PALM2AKAP2: variants seen among roughly 807,000 people sequenced by gnomAD.
The protein encoded by PALM2AKAP2 is PALM2 and AKAP2 fusion.
A neutral mutation model predicts 71.5 loss-of-function variants in PALM2AKAP2; 37 were observed. The ratio of observed to expected loss-of-function variants is 0.52; its 90% CI spans 0.40 to 0.68. PALM2AKAP2 has a LOEUF of 0.68. Ranked by LOEUF, PALM2AKAP2 falls within the 30% of genes least tolerant of loss-of-function variation. The pLI is 0.00. For missense variants in PALM2AKAP2, 1,224 were observed against 1,191.8 expected (o/e 1.03, Z -0.40); for synonymous variants, 468 against 478.8 (o/e 0.98, Z 0.29).
chr9:110,106,041 A>G (rs7026192), intron 1 of PALM2AKAP2, among the ~76,000 whole-genome samples: 54,199 of 152,152 alleles, frequency 0.36, 9,774 homozygotes, highest in East Asian at 0.42. Flanking sequence ...CTGACTTTGC[A>G]TAATATAAAT....
intron 1 of PALM2AKAP2, among the ~76,000 whole-genome samples, chr9:109,770,886 T>G (rs563939753): frequency 6.6e-6 from 1 of 152,386 alleles, no homozygotes; most frequent in East Asian, 1.9e-4. Context: ...ATACATTATC[T>G]CATTTGTTTG....
rs541613009 is a variant in PALM2AKAP2, at chr9:109,738,154, A to C, written c.6-42334A>C. On this transcript the variant is annotated intron_variant, in intron 1 of 6. Coordinates refer to the PALM2AKAP2 transcript ENST00000374531. The stretch of plus-strand genomic sequence containing the variant: ...GCTATGAATTTCTTTATATACTCTT[A>C]TGTTTCCCTCACAGTATATCTGGGA... Among the ~76,000 whole-genome samples the C allele has an allele frequency of 4.6e-5, 7 of 152,334 alleles. No homozygotes were observed. In the South Asian group the frequency reaches 1.4e-3, roughly 32 times the overall value.
At chr9:109,667,083 C>T (rs1827496853) in intron 1 of PALM2AKAP2, among the ~76,000 whole-genome samples, 1 of 152,090 alleles carries the variant, frequency 6.6e-6, no homozygotes, top group Non-Finnish European at 1.5e-5. Flanking sequence ...CTTCAAGGAC[C>T]CACAGCTGGA....
rs540764038 is a variant in PALM2AKAP2 at position 109,863,292 on chromosome 9, G to A, written c.46-4199G>A. Among the ~76,000 whole-genome samples the A allele has an allele frequency of 2.6e-4, 39 of 152,354 alleles. No individual in the cohort carries two copies. In the South Asian group the frequency reaches 7.9e-3, roughly 31 times the overall value. On this transcript the variant is annotated intron_variant, in intron 1 of 9. Transcript: ENST00000302798. ...TCAAGGTTATAGTGGGGAAGCAAAA[G>A]ATGTGGAAACTGGCCAGCAGAATCA...
intron 7 of PALM2AKAP2, among the ~76,000 whole-genome samples, chr9:110,034,646 C>G (rs903184014): frequency 1.2e-4 from 17 of 145,946 alleles, no homozygotes; most frequent in African/African-American, 4.4e-4. Flanking sequence ...GTTTCGTTGC[C>G]CAGGCTGGAG....
chr9:109,873,429 C>T (rs1282218516), intron 2 of PALM2AKAP2, among the ~76,000 whole-genome samples: 1 of 146,492 alleles, frequency 6.8e-6, no homozygotes, highest in South Asian at 2.1e-4. Flanking sequence ...CAGTGAGACT[C>T]CATCTCAAAT....
intron 1 of PALM2AKAP2, among the ~76,000 whole-genome samples, chr9:109,757,699 G>A (rs192263225): frequency 5.3e-5 from 8 of 151,958 alleles, no homozygotes; most frequent in South Asian, 2.1e-4. Flanking sequence ...CGAGGTCTTC[G>A]ACAGCTTACT....
intron 1 of PALM2AKAP2, among the ~76,000 whole-genome samples, chr9:109,736,136 G>A (rs1198072853): frequency 1.3e-5 from 2 of 152,058 alleles, no homozygotes; most frequent in Admixed American, 6.6e-5. Flanking sequence ...GCACAACGAC[G>A]GTTAAAATCC....
intron 6 of PALM2AKAP2, among the ~76,000 whole-genome samples, chr9:109,975,057 C>T (rs908801292): frequency 6.8e-5 from 10 of 147,450 alleles, no homozygotes; most frequent in Admixed American, 1.4e-4. Context: ...TGTATCTGCA[C>T]GTGCACACAC....
chr9:109,903,115 T>C (rs1830365901), intron 3 of PALM2AKAP2, among the ~76,000 whole-genome samples: 1 of 152,032 alleles, frequency 6.6e-6, no homozygotes, highest in Non-Finnish European at 1.5e-5. Context: ...AGAGCTGCTC[T>C]TGAGCAAAGG....
At chr9:109,901,901 A>C (rs2131852729) in intron 3 of PALM2AKAP2, among the ~76,000 whole-genome samples, 1 of 152,278 alleles carries the variant, frequency 6.6e-6, no homozygotes, top group Middle Eastern at 3.4e-3. Flanking sequence ...CAGAGAAAGA[A>C]TCAGACAGAA....
At chr9:110,126,118 C>CTTGTCTCTTGG (rs1377321959) in intron 1 of PALM2AKAP2, among the ~76,000 whole-genome samples, 5 of 152,116 alleles carry the variant, frequency 3.3e-5, no homozygotes, top group Non-Finnish European at 5.9e-5. Flanking sequence ...ATGTGTGGTG[C>CTTGTCTCTTGG]TTGTCTCTTG....
At chr9:109,797,205 C>G (rs1342249876) in intron 1 of PALM2AKAP2, among the ~76,000 whole-genome samples, 1 of 152,054 alleles carries the variant, frequency 6.6e-6, no homozygotes, top group Non-Finnish European at 1.5e-5. Context: ...GTCCTTTGGC[C>G]GCTATCTAAG....
At chr9:109,803,837 A>G (rs1180148825) in intron 1 of PALM2AKAP2, among the ~76,000 whole-genome samples, 5 of 152,238 alleles carry the variant, frequency 3.3e-5, no homozygotes, top group Non-Finnish European at 7.3e-5. Context: ...GTGCTCCTGC[A>G]GAGTTAAGGG....
intron 1 of PALM2AKAP2, among the ~76,000 whole-genome samples, chr9:109,808,452 GA>G (rs1827637750): frequency 6.6e-6 from 1 of 152,228 alleles, no homozygotes; most frequent in Non-Finnish European, 1.5e-5. Context: ...GCATCTGGCA[GA>G]AGAACTTTCT....
intron 6 of PALM2AKAP2, among the ~76,000 whole-genome samples, chr9:110,005,312 G>T (rs1832756814): frequency 6.6e-6 from 1 of 152,226 alleles, no homozygotes; most frequent in South Asian, 2.1e-4. Flanking sequence ...GTTTGCCTGG[G>T]TATCTGCAGC....
chr9:109,839,345 C>T (rs559223140), intron 1 of PALM2AKAP2, among the ~76,000 whole-genome samples: 28 of 152,142 alleles, frequency 1.8e-4, no homozygotes, highest in Middle Eastern at 6.8e-3. Context: ...GCCCTTCATG[C>T]GAAAAACACT....
chr9:109,861,263 AG>A, intron 1 of PALM2AKAP2, among the ~76,000 whole-genome samples: 1 of 152,224 alleles, frequency 6.6e-6, no homozygotes, highest in Admixed American at 6.5e-5. Flanking sequence ...CTAGTGCTCC[AG>A]TTGCAGCACA....
At chr9:109,696,164 G>A (rs1286693226) in intron 1 of PALM2AKAP2, among the ~76,000 whole-genome samples, 2 of 148,130 alleles carry the variant, frequency 1.4e-5, no homozygotes, top group African/African-American at 4.9e-5. Flanking sequence ...ACATAGAAAA[G>A]TCACTTTGAA....
Sources: gnomAD v4.1 joint callset for allele counts (sites outside exome capture counted in the v4.1 genomes callset) on GRCh38, gnomAD v4.1.1 for gene constraint, MANE v1.5 for transcripts, NCBI Gene and HGNC (gene_info 2026-07-23, HGNC 2026-07-21) for gene names.